CRACD: variants seen among roughly 807,000 people sequenced by gnomAD.
The protein encoded by CRACD is capping protein inhibiting regulator of actin dynamics.
CRACD carries 56 observed loss-of-function variants against 106.8 expected under a neutral mutation model. The observed-to-expected ratio is 0.52, with a 90% CI of 0.42 to 0.66. CRACD has a LOEUF of 0.66. Among genes scored for constraint, CRACD ranks in the 30% least tolerant of loss-of-function variants. CRACD has a pLI of 0.00. For missense variants in CRACD, 1,730 were observed against 1,623.2 expected, an observed-to-expected ratio of 1.07 and a Z score of -1.13; for synonymous variants, 754 against 670.8, an observed-to-expected ratio of 1.12 and a Z score of -1.92.
At chr4:56,138,871 G>C (rs369925131) in intron 1 of CRACD, among the ~76,000 whole-genome samples, 2 of 152,228 alleles carry the variant, frequency 1.3e-5, no homozygotes, top group South Asian at 4.1e-4. Flanking sequence ...ATGATTCAAG[G>C]TTTCCATCTT....
intron 2 of CRACD, among the ~76,000 whole-genome samples, chr4:56,256,442 AT>A (rs1343090425): frequency 6.6e-6 from 1 of 152,206 alleles, no homozygotes; most frequent in African/African-American, 2.4e-5. Context: ...TATCAGCAAC[AT>A]GAAAACGAAC....
At chr4:56,243,028 C>T (rs745429041) in intron 2 of CRACD, among the ~76,000 whole-genome samples, 2 of 152,112 alleles carry the variant, frequency 1.3e-5, no homozygotes, top group Non-Finnish European at 2.9e-5. Flanking sequence ...TCCTGATGTC[C>T]CCCACTGTCT....
At chr4:56,311,310 C>T (rs1422588442) in intron 6 of CRACD, 1 of 153,238 alleles carries the variant, frequency 6.5e-6, no homozygotes, top group Non-Finnish European at 1.5e-5. Flanking sequence ...CAGGCATTCT[C>T]CCAAGGCCTG....
intron 2 of CRACD, among the ~76,000 whole-genome samples, chr4:56,193,847 A>C (rs1468944937): frequency 1.3e-5 from 2 of 152,168 alleles, no homozygotes; most frequent in African/African-American, 2.4e-5. Context: ...AGCATCCTCT[A>C]TCCTGCTTTT....
At chr4:56,286,525 C>CAAAAAAAAAAAAAAAAAAAAAAAAA (rs61498428) in intron 3 of CRACD, among the ~76,000 whole-genome samples, 1 of 89,372 alleles carries the variant, frequency 1.1e-5, no homozygotes, top group African/African-American at 4.0e-5. Flanking sequence ...GACTCCGTCT[C>CAAAAAAAAAAAAAAAAAAAAAAAAA]AAAAAAAAAA....
chr4:56,051,885 C>T (rs1485994195), intron 1 of CRACD, among the ~76,000 whole-genome samples: 1 of 152,096 alleles, frequency 6.6e-6, no homozygotes, highest in East Asian at 1.9e-4. Flanking sequence ...TAATCTAAGC[C>T]TCAGTTTCCT....
chr4:56,122,684 A>T (rs1297598753), intron 1 of CRACD, among the ~76,000 whole-genome samples: 1 of 151,906 alleles, frequency 6.6e-6, no homozygotes, highest in Non-Finnish European at 1.5e-5. Context: ...ATTTTTCCAA[A>T]CCCTCACTCT....
chr4:56,301,449 A>G (rs922166453), intron 4 of CRACD, among the ~76,000 whole-genome samples: 1 of 152,076 alleles, frequency 6.6e-6, no homozygotes, highest in African/African-American at 2.4e-5. Context: ...GTATGTGTGT[A>G]TGTTTATTTT....
chr4:56,307,648 C>T lies in CRACD; in HGVS notation c.234C>T (p.Pro78=). 1 of 1,614,180 alleles carries T rather than the reference C, an allele frequency of 6.2e-7. No individual in the cohort carries two copies. Among genetic ancestry groups the T allele is most frequent in the Non-Finnish European group, 8.5e-7 (1 of 1,180,038 alleles). Residue 78 remains proline, a synonymous_variant, in exon 5 of 11, where the codon CCC becomes CCT. Transcript: ENST00000682029. The stretch of plus-strand genomic sequence containing the variant: ...AAGAGGATCTGTTCCTGACCAGTCC[C>T]ATGGAAATTGTGACTCAGCAGGACA... The part of the protein sequence containing the change: ...SLEEDLFLTS[P]MEIVTQQDIV...
At chr4:56,322,201 C>G (rs1746148047) in intron 8 of CRACD, among the ~76,000 whole-genome samples, 2 of 152,290 alleles carry the variant, frequency 1.3e-5, no homozygotes, top group African/African-American at 4.8e-5. Context: ...TGTAGAGTGA[C>G]CAGGATTTGC....
intron 2 of CRACD, among the ~76,000 whole-genome samples, chr4:56,261,235 G>A (rs777992779): frequency 3.9e-5 from 6 of 152,236 alleles, no homozygotes; most frequent in South Asian, 2.1e-4. Context: ...AAACTCAAGC[G>A]GTGGCGGAAA....
chr4:56,141,994 G>A (rs933295126), intron 1 of CRACD, among the ~76,000 whole-genome samples: 2 of 152,022 alleles, frequency 1.3e-5, no homozygotes, highest in Non-Finnish European at 2.9e-5. Context: ...GCACCCAACC[G>A]AATTTGCTTT....
At chr4:56,079,066 G>A (rs1464579349) in intron 1 of CRACD, among the ~76,000 whole-genome samples, 2 of 152,168 alleles carry the variant, frequency 1.3e-5, no homozygotes, top group East Asian at 1.9e-4. Context: ...TTCAGGAAAC[G>A]AAGTCTGCAG....
intron 1 of CRACD, among the ~76,000 whole-genome samples, chr4:56,132,010 A>G (rs769592856): frequency 1.3e-5 from 2 of 152,208 alleles, no homozygotes; most frequent in Non-Finnish European, 2.9e-5. Context: ...AGGGAGTTCT[A>G]CATGATAATA....
At chr4:56,221,514 T>A (rs1013715246) in intron 2 of CRACD, among the ~76,000 whole-genome samples, 39 of 152,188 alleles carry the variant, frequency 2.6e-4, no homozygotes, top group African/African-American at 8.9e-4. Context: ...TGGGACATAA[T>A]TAAACTGAAG....
chr4:56,057,822 T>G lies in CRACD; in HGVS notation c.-336+8523T>G, dbSNP rs1451839258. Among the ~76,000 whole-genome samples, 23 of 57,442 alleles carry G rather than the reference T, an allele frequency of 4.0e-4. 4 individuals are homozygous for G. Among genetic ancestry groups the G allele is most frequent in the South Asian group, 1.1e-3 (2 of 1,898 alleles). The allele number at this position is 57,442 out of a possible 152,430, so 37.7% of individuals were successfully genotyped here. A position where few individuals can be genotyped will look rare whatever the true frequency, so the allele number is the denominator to read the frequency against. On this transcript the variant is annotated intron_variant, in intron 1 of 10. Coordinates refer to ENST00000682029, the MANE Select transcript of CRACD (RefSeq NM_001393381.1). Reference sequence around the variant, plus strand: ...GTATTTTTTTTTTTTTTGTTTTTTTTTTTTTTTTTTTTTTGAGACGGAGTC... The same window carrying G: ...GTATTTTTTTTTTTTTTGTTTTTTTGTTTTTTTTTTTTTTGAGACGGAGTC...
chr4:56,294,913 C>CAAAAAAAAAAAAAAAAAAAATAAAA (rs1743908932), intron 3 of CRACD, among the ~76,000 whole-genome samples: 1 of 72,166 alleles, frequency 1.4e-5, no homozygotes, highest in Non-Finnish European at 2.5e-5. Context: ...GACCTTGTCT[C>CAAAAAAAAAAAAAAAAAAAATAAAA]AAAAAAAAAA....
At chr4:56,100,578 A>C (rs1733745785) in intron 1 of CRACD, among the ~76,000 whole-genome samples, 2 of 152,216 alleles carry the variant, frequency 1.3e-5, no homozygotes, top group Admixed American at 1.3e-4. Context: ...AGTACCTTAG[A>C]ATGTGGCCAT....
chr4:56,166,020 C>T (rs969459002), intron 1 of CRACD, among the ~76,000 whole-genome samples: 1 of 152,052 alleles, frequency 6.6e-6, no homozygotes, highest in Admixed American at 6.5e-5. Flanking sequence ...AACACTACAC[C>T]TAACTAATAA....
Sources: gnomAD v4.1 joint callset for allele counts (sites outside exome capture counted in the v4.1 genomes callset) on GRCh38, gnomAD v4.1.1 for gene constraint, MANE v1.5 for transcripts, NCBI Gene and HGNC (gene_info 2026-07-23, HGNC 2026-07-21) for gene names.